CDH18: variants seen among roughly 807,000 people sequenced by gnomAD.
CDH18 encodes the protein cadherin 18, also known as cadherin-18.
Under a neutral mutation model 67.9 loss-of-function variants are expected in CDH18, and 31 were observed. That is an observed-to-expected ratio of 0.46 (90% CI 0.34 to 0.62). The LOEUF (loss-of-function observed/expected upper bound fraction) is 0.62. Ranked by LOEUF, CDH18 falls within the 20% of genes least tolerant of loss-of-function variation. The probability of loss-of-function intolerance (pLI) is 0.01; values close to 1 mark genes in which losing one functional copy is unlikely to be tolerated. For synonymous variants in CDH18, 362 were observed against 347.2 expected, an observed-to-expected ratio of 1.04 and a Z score of -0.48; for missense variants, 890 against 975.5, an observed-to-expected ratio of 0.91 and a Z score of 1.17.
chr5:19,638,102 T>C (rs957634984), intron 5 of CDH18, among the ~76,000 whole-genome samples: 1 of 152,232 alleles, frequency 6.6e-6, no homozygotes, highest in Non-Finnish European at 1.5e-5. Context: ...CCAAATACCT[T>C]ATATGAATGC....
intron 1 of CDH18, among the ~76,000 whole-genome samples, chr5:20,530,450 A>G (rs553250311): frequency 2.0e-5 from 3 of 152,230 alleles, no homozygotes; most frequent in African/African-American, 4.8e-5. Context: ...AGCTAAAAGA[A>G]CAAAGCTGGA....
In CDH18 at chr5:19,884,933, G is replaced by A. The variant is rs1035820912; in HGVS notation, c.-256-45691C>T. On this transcript the variant is annotated intron_variant, in intron 2 of 12. Coordinates refer to ENST00000382275, the MANE Select transcript of CDH18 (RefSeq NM_004934.5). ...GCAAACTAGGGACATTATAATTAAT[G>A]GATTATAATTAATTTTTCACACTAT... 2.0e-5 allele frequency among the ~76,000 whole-genome samples: 3 copies of A among 151,894 alleles called. No individual in the cohort carries two copies. The South Asian group carries it at 6.2e-4, about 32-fold the overall frequency.
intron 12 of CDH18, among the ~76,000 whole-genome samples, chr5:19,476,777 C>A (rs1738539583): frequency 6.6e-6 from 1 of 151,948 alleles, no homozygotes; most frequent in Admixed American, 6.6e-5. Context: ...AATTTATGTG[C>A]AGACACAACA....
chr5:19,483,621 A>T (rs1739871793), intron 11 of CDH18, 69 bp from the exon 12 acceptor site: 1 of 1,440,896 alleles, frequency 6.9e-7, no homozygotes, highest in Admixed American at 2.1e-5. Context: ...ATTTCCTTTA[A>T]TGGATAAAAT....
intron 6 of CDH18, among the ~76,000 whole-genome samples, chr5:19,602,712 C>T (rs1386595415): frequency 1.3e-5 from 2 of 151,972 alleles, no homozygotes; most frequent in African/African-American, 4.8e-5. Context: ...GCCTGTAATC[C>T]TAGCATTTTG....
intron 1 of CDH18, among the ~76,000 whole-genome samples, chr5:20,572,486 T>C (rs1460636490): frequency 2.0e-5 from 3 of 152,160 alleles, no homozygotes; most frequent in Non-Finnish European, 2.9e-5. Flanking sequence ...TCAAAGATTA[T>C]ATACAAGAAT....
intron 11 of CDH18, among the ~76,000 whole-genome samples, chr5:19,487,398 C>T (rs1740581917): frequency 6.6e-6 from 1 of 152,114 alleles, no homozygotes; most frequent in South Asian, 2.1e-4. Context: ...TTTGGGTTCA[C>T]TGCATTAAAA....
At chr5:19,498,643 C>T (rs1742733150) in intron 11 of CDH18, among the ~76,000 whole-genome samples, 1 of 152,138 alleles carries the variant, frequency 6.6e-6, no homozygotes, top group African/African-American at 2.4e-5. Flanking sequence ...AGATTGACTT[C>T]TCACAGCCTA....
rs762405280 is a variant in CDH18, at chr5:20,284,476, A to G, written c.-579-28971T>C. ...AAACAGAAAACATGCTGATTAATCT[A>G]CATGCCTACCATAATCCACTTGTGA... is the stretch of plus-strand genomic sequence containing the variant. On this transcript the variant is annotated intron_variant, in intron 1 of 14. Coordinates refer to the CDH18 transcript ENST00000507958. Among the ~76,000 whole-genome samples the G allele has an allele frequency of 2.6e-5, 4 of 152,038 alleles. 1 individual carries two copies. Among genetic ancestry groups the G allele is most frequent in the Non-Finnish European group, 5.9e-5 (4 of 67,930 alleles).
At position 20,027,717 on chromosome 5, in the gene CDH18, T is replaced by C. The variant is rs75366209; in HGVS notation, c.-517-35703A>G. Among the ~76,000 whole-genome samples the C allele has an allele frequency of 0.018, 2,683 of 152,308 alleles. 173 individuals are homozygous for C. In the East Asian group the frequency reaches 0.25, roughly 14 times the overall value. Reference sequence around the variant, plus strand: ...AGTCCATCATGCAACTTAACTTCCCTCTTAAGGGGGATTATGGCTTAACAT... The same window carrying C: ...AGTCCATCATGCAACTTAACTTCCCCCTTAAGGGGGATTATGGCTTAACAT... On this transcript the variant is annotated intron_variant, in intron 2 of 14. Transcript: ENST00000507958.
Position 20,216,991 on chromosome 5 carries a change from T to C in CDH18, c.-518+38453A>G, listed in dbSNP as rs1383960957. Among the ~76,000 whole-genome samples the C allele has an allele frequency of 2.0e-5, 3 of 151,780 alleles. No individual in the cohort carries two copies. In the East Asian group the frequency reaches 5.8e-4, roughly 29 times the overall value. The stretch of plus-strand genomic sequence containing the variant: ...AAAAAGTGGCATGACATATTTAAAG[T>C]GCTAAAGGAAAATACATATATATAA... On this transcript the variant is annotated intron_variant, in intron 2 of 14. Transcript: ENST00000507958.
intron 1 of CDH18, among the ~76,000 whole-genome samples, chr5:20,546,631 A>G (rs1160684028): frequency 6.6e-6 from 1 of 152,114 alleles, no homozygotes; most frequent in Non-Finnish European, 1.5e-5. Flanking sequence ...AACATGGGAG[A>G]AACCACTCCC....
At chr5:19,885,494 A>G (rs1422439641) in intron 2 of CDH18, among the ~76,000 whole-genome samples, 1 of 152,196 alleles carries the variant, frequency 6.6e-6, no homozygotes, top group African/African-American at 2.4e-5. Context: ...ATGCATTAAC[A>G]TTTGTTGTTT....
chr5:19,944,611 T>C (rs960187730), intron 2 of CDH18, among the ~76,000 whole-genome samples: 2 of 152,172 alleles, frequency 1.3e-5, no homozygotes, highest in African/African-American at 4.8e-5. Context: ...CTCAATATCA[T>C]TGTTGAAAAT....
intron 1 of CDH18, among the ~76,000 whole-genome samples, chr5:20,467,325 A>AT (rs1382270475): frequency 8.0e-6 from 1 of 124,996 alleles, no homozygotes; most frequent in Non-Finnish European, 1.8e-5. Flanking sequence ...AAAAGGACTC[A>AT]TTTACTCAAG....
At chr5:19,776,879 G>C (rs1462632688) in intron 3 of CDH18, among the ~76,000 whole-genome samples, 5 of 152,148 alleles carry the variant, frequency 3.3e-5, no homozygotes, top group African/African-American at 1.2e-4. Flanking sequence ...GGGATAAAAT[G>C]AAATGCCAGT....
rs142480814 is a variant in CDH18, at chr5:19,711,682, A to G, written c.643+9665T>C. On this transcript the variant is annotated intron_variant, in intron 5 of 12. Coordinates refer to ENST00000382275, the MANE Select transcript of CDH18 (RefSeq NM_004934.5). ...AAAAAAAAAAAAGCAAATGTTGGAAACACCGCAGAGAAAAGGGAATGTTTA... is the reference window on the plus strand; with the variant it reads ...AAAAAAAAAAAAGCAAATGTTGGAAGCACCGCAGAGAAAAGGGAATGTTTA... Among the ~76,000 whole-genome samples, 1,132 of 151,708 alleles carry G rather than the reference A, an allele frequency of 7.5e-3. 14 individuals carry two copies. The highest frequency in any genetic ancestry group is 0.026 in the African/African-American group (1,073 of 41,260).
intron 2 of CDH18, among the ~76,000 whole-genome samples, chr5:19,892,281 T>C (rs1405358893): frequency 6.6e-6 from 1 of 152,164 alleles, no homozygotes; most frequent in Non-Finnish European, 1.5e-5. Flanking sequence ...AATGTTAGTT[T>C]ACCTTTGGGA....
intron 1 of CDH18, among the ~76,000 whole-genome samples, chr5:20,342,474 C>T (rs1255166218): frequency 1.3e-5 from 2 of 152,122 alleles, no homozygotes; most frequent in South Asian, 4.2e-4. Flanking sequence ...AGATGCTATC[C>T]CTAACACCTC....
Sources: gnomAD v4.1 joint callset for allele counts (sites outside exome capture counted in the v4.1 genomes callset) on GRCh38, gnomAD v4.1.1 for gene constraint, MANE v1.5 for transcripts, NCBI Gene and HGNC (gene_info 2026-07-23, HGNC 2026-07-21) for gene names.